Variants in SLCO2A1 observed in about 807,000 individuals in gnomAD.
SLCO2A1 encodes matrin F/G 1.
In SLCO2A1, 60 loss-of-function variants were observed where a neutral mutation model predicts 71.7. That is an observed-to-expected ratio of 0.84 (90% CI 0.68 to 1.04). SLCO2A1 has a LOEUF of 1.04. SLCO2A1 is among the 50% of genes least tolerant of loss of function. SLCO2A1 has a pLI of 0.00. For synonymous variants in SLCO2A1, 308 were observed against 326.7 expected (o/e 0.94, Z 0.62); for missense variants, 745 against 813.4 (o/e 0.92, Z 1.02).
At position 133,954,910 on chromosome 3, in the gene SLCO2A1, A is replaced by G. The variant is rs969009472; in HGVS notation, c.625+56T>C. On this transcript the variant is annotated intron_variant, in intron 4 of 13. Coordinates refer to ENST00000310926, the MANE Select transcript of SLCO2A1 (RefSeq NM_005630.3). ...AGTTTAGTGCCCCAGGGCCTCATCA[A>G]GTGCTACATCAGGACCTCACCCCTC... 4.9e-6 allele frequency: 7 copies of G among 1,423,566 alleles called. No individual in the cohort carries two copies. The African/African-American group carries it at 7.0e-5, about 14-fold the overall frequency. The allele number at this position is 1,423,566 out of a possible 1,614,324, so 88.2% of individuals were successfully genotyped here. A position where few individuals can be genotyped will look rare whatever the true frequency, so the allele number is the denominator to read the frequency against.
intron 2 of SLCO2A1, among the ~76,000 whole-genome samples, chr3:133,978,749 A>G (rs1290031399): frequency 6.6e-6 from 1 of 152,090 alleles, no homozygotes; most frequent in East Asian, 1.9e-4. Context: ...CCCTGTCTCC[A>G]GACTATGGAG....
chr3:133,973,676 G>A lies in SLCO2A1; in HGVS notation c.384C>T (p.Thr128=). 6.2e-7 allele frequency: 1 copy of A among 1,613,898 alleles called. No homozygotes were observed. The highest frequency in any genetic ancestry group is 8.5e-7 in the Non-Finnish European group (1 of 1,180,020). Residue 128 remains threonine (T), a synonymous_variant, in exon 3 of 14, where the codon ACC becomes ACT. Coordinates refer to ENST00000310926, the MANE Select transcript of SLCO2A1 (RefSeq NM_005630.3). ...GAAGCCACTCACCAGTGCTGGCCAA[G>A]GTGTACTGGTAGGGCTCGGAGAGGA... ...PHFLSEPYQY[T]LASTGNNSRL... is the part of the protein sequence containing the mutation.
At chr3:133,998,207 T>C (rs1208238176) in intron 1 of SLCO2A1, among the ~76,000 whole-genome samples, 1 of 152,162 alleles carries the variant, frequency 6.6e-6, no homozygotes, top group African/African-American at 2.4e-5. Context: ...CATTTCCTCC[T>C]CCAGCTCTGG....
intron 1 of SLCO2A1, among the ~76,000 whole-genome samples, chr3:134,026,437 T>C (rs1002104729): frequency 1.3e-5 from 2 of 151,846 alleles, no homozygotes; most frequent in African/African-American, 4.8e-5. Context: ...ACCATCTTTT[T>C]CCTACTGCCC....
chr3:134,005,360 G>C (rs926350258), intron 1 of SLCO2A1, among the ~76,000 whole-genome samples: 1 of 151,476 alleles, frequency 6.6e-6, no homozygotes, highest in Non-Finnish European at 1.5e-5. Context: ...CAATCTTTCT[G>C]TGTCATATTG....
Position 133,945,142 on chromosome 3 carries a change from C to T in SLCO2A1, c.1414G>A (p.Ala472Thr), listed in dbSNP as rs1933534149. 6.2e-7 allele frequency: 1 copy of T among 1,613,996 alleles called. No homozygotes were observed. The highest frequency in any genetic ancestry group is 8.5e-7 in the Non-Finnish European group (1 of 1,179,952). The change falls in exon 10 of 14, where the codon GCC becomes ACC. Residue 472 changes from alanine (A) to threonine (T), a missense_variant. Ala to Thr is a moderately conservative substitution (Grantham distance 58). Coordinates refer to ENST00000310926, the MANE Select transcript of SLCO2A1 (RefSeq NM_005630.3). ...CTCATGTTGATGTTGCTGCAGCCGGCATGGCAAGGGGAGAGGTACTCGATT... is the reference window on the plus strand; with the variant it reads ...CTCATGTTGATGTTGCTGCAGCCGGTATGGCAAGGGGAGAGGTACTCGATT... ...NGIEYLSPCHAGCSNINMSSA... is the reference protein window; with the variant it reads ...NGIEYLSPCHTGCSNINMSSA...
chr3:133,998,057 G>C (rs1372542906), intron 1 of SLCO2A1, among the ~76,000 whole-genome samples: 1 of 152,116 alleles, frequency 6.6e-6, no homozygotes, highest in Non-Finnish European at 1.5e-5. Context: ...AGCAAGAGCC[G>C]CCTCCTGCTC....
At chr3:133,969,011 C>T (rs956515937) in intron 3 of SLCO2A1, among the ~76,000 whole-genome samples, 7 of 152,172 alleles carry the variant, frequency 4.6e-5, no homozygotes, top group African/African-American at 1.2e-4. Context: ...AAACACATTG[C>T]TACTCTTCCT....
At chr3:134,005,781 C>A (rs1271999547) in intron 1 of SLCO2A1, among the ~76,000 whole-genome samples, 1 of 152,008 alleles carries the variant, frequency 6.6e-6, no homozygotes, top group African/African-American at 2.4e-5. Context: ...GTGCCCGGCC[C>A]ATGTATTATA....
chr3:133,973,527 A>T, intron 3 of SLCO2A1, 136 bp downstream of exon 3: 1 of 919,878 alleles, frequency 1.1e-6, no homozygotes. Flanking sequence ...CCATAGCTCT[A>T]CATACTTCAG....
chr3:133,970,870 C>G (rs1934306901), intron 3 of SLCO2A1, among the ~76,000 whole-genome samples: 1 of 152,268 alleles, frequency 6.6e-6, no homozygotes, highest in Admixed American at 6.5e-5. Context: ...CCTCTTTCCT[C>G]TATCAGAAGA....
At position 133,948,915 on chromosome 3, in the gene SLCO2A1, G is replaced by A. The variant is rs766423450; in HGVS notation, c.918C>T (p.Gly306=). The change falls in exon 7 of 14, where the codon GGC becomes GGT. Residue 306 remains glycine, a synonymous_variant. Transcript: ENST00000310926. ...ARKLEEAKSR[G]SLVDFIKRFP... is the part of the protein sequence containing the mutation. ...TACGTTTAATGAAATCCACCAGGGA[G>A]CCTCTTGACTTGGCCTCCTCCAACT... The A allele has an allele frequency of 7.4e-6, 12 of 1,614,052 alleles. No homozygotes were observed. Among genetic ancestry groups the A allele is most frequent in the Admixed American group, 1.7e-5 (1 of 60,012 alleles).
intron 3 of SLCO2A1, among the ~76,000 whole-genome samples, chr3:133,972,425 GA>G (rs1576441133): frequency 6.6e-6 from 1 of 151,970 alleles, no homozygotes; most frequent in South Asian, 2.1e-4. Flanking sequence ...AGGAGTTCCA[GA>G]AAAAAAGGAT....
intron 1 of SLCO2A1, 53 bp downstream of exon 1, chr3:134,029,654 G>T (rs529472102): frequency 6.9e-7 from 1 of 1,450,326 alleles, no homozygotes. Context: ...GTGCCCAGCC[G>T]AAGGTGCGCC....
At chr3:134,022,474 G>T (rs1935610130) in intron 1 of SLCO2A1, among the ~76,000 whole-genome samples, 1 of 152,110 alleles carries the variant, frequency 6.6e-6, no homozygotes, top group African/African-American at 2.4e-5. Context: ...TAATTATAAA[G>T]AAAATTCTGT....
chr3:134,008,677 A>G (rs1369337102), intron 1 of SLCO2A1, among the ~76,000 whole-genome samples: 1 of 152,056 alleles, frequency 6.6e-6, no homozygotes, highest in Non-Finnish European at 1.5e-5. Context: ...AATCAGATAC[A>G]TTTGCTTCTC....
chr3:133,947,468 G>T, intron 8 of SLCO2A1, 23 bp from the exon 9 acceptor site: 1 of 1,594,556 alleles, frequency 6.3e-7, no homozygotes, highest in Non-Finnish European at 8.6e-7. Context: ...AGAAGGAGGT[G>T]ATCCAGGTGC....
intron 1 of SLCO2A1, among the ~76,000 whole-genome samples, chr3:134,026,807 C>T (rs937730798): frequency 2.6e-5 from 4 of 152,112 alleles, no homozygotes; most frequent in African/African-American, 9.7e-5. Context: ...TAATTGCTGC[C>T]TACATATAGA....
intron 1 of SLCO2A1, among the ~76,000 whole-genome samples, chr3:134,018,241 A>C (rs1935502676): frequency 6.6e-6 from 1 of 152,134 alleles, no homozygotes; most frequent in Non-Finnish European, 1.5e-5. Flanking sequence ...CCTGGGGAGG[A>C]GTGGGCATAT....
Sources: gnomAD v4.1 joint callset for allele counts (sites outside exome capture counted in the v4.1 genomes callset) on GRCh38, gnomAD v4.1.1 for gene constraint, MANE v1.5 for transcripts, NCBI Gene and HGNC (gene_info 2026-07-23, HGNC 2026-07-21) for gene names.